DGLUCY: variants seen among roughly 807,000 people sequenced by gnomAD.
DGLUCY encodes D-glutamate cyclase, mitochondrial.
DGLUCY carries 58 observed loss-of-function variants against 58.5 expected under a neutral mutation model. That is an observed-to-expected ratio of 0.99 (90% CI 0.80 to 1.23). The LOEUF is 1.23. Among genes scored for constraint, DGLUCY ranks in the 50% most tolerant of loss-of-function variants. The pLI, the probability that DGLUCY is intolerant of heterozygous loss-of-function variation, is 0.00. For missense variants in DGLUCY, 779 were observed against 784.7 expected, an observed-to-expected ratio of 0.99 and a Z score of 0.09; for synonymous variants, 325 against 314.1, an observed-to-expected ratio of 1.03 and a Z score of -0.37.
chr14:91,099,989 A>G (rs532380863), intron 1 of DGLUCY, among the ~76,000 whole-genome samples: 74 of 147,994 alleles, frequency 5.0e-4, no homozygotes, highest in Admixed American at 2.6e-3. Context: ...GGGAGGCAAT[A>G]GGTTGCGGTG....
intron 9 of DGLUCY, 112 bp downstream of exon 9, chr14:91,189,282 C>G: frequency 7.4e-7 from 1 of 1,352,780 alleles, no homozygotes; most frequent in South Asian, 1.4e-5. Context: ...CAGAACAACT[C>G]CGTTGTAAGC....
chr14:91,095,139 G>A (rs1350209044), intron 1 of DGLUCY, among the ~76,000 whole-genome samples: 1 of 151,998 alleles, frequency 6.6e-6, no homozygotes, highest in Non-Finnish European at 1.5e-5. Context: ...CAGACCATGT[G>A]CCCACTTGCT....
chr14:91,202,024 C>T (rs1177378660), intron 11 of DGLUCY, among the ~76,000 whole-genome samples: 1 of 132,770 alleles, frequency 7.5e-6, no homozygotes, highest in Admixed American at 8.0e-5. Flanking sequence ...CACTGCACTC[C>T]AGCCTGGGCG....
chr14:91,133,959 C>T (rs2046179630), intron 1 of DGLUCY, among the ~76,000 whole-genome samples: 2 of 152,124 alleles, frequency 1.3e-5, no homozygotes, highest in South Asian at 4.1e-4. Flanking sequence ...AAGGGCCATT[C>T]GAGTCCTTTG....
At chr14:91,061,239 A>C (rs1013273674) in intron 1 of DGLUCY, among the ~76,000 whole-genome samples, 1 of 152,214 alleles carries the variant, frequency 6.6e-6, no homozygotes, top group Non-Finnish European at 1.5e-5. Flanking sequence ...CGCTCTAGTG[A>C]ACCCTAAACA....
intron 1 of DGLUCY, among the ~76,000 whole-genome samples, chr14:91,076,869 A>G (rs1376588146): frequency 6.6e-6 from 1 of 152,180 alleles, no homozygotes; most frequent in Non-Finnish European, 1.5e-5. Context: ...GTTCCGGGTC[A>G]CAGTGCCAGC....
upstream of DGLUCY, among the ~76,000 whole-genome samples, chr14:91,105,907 T>A (rs987430422): frequency 6.6e-6 from 1 of 152,194 alleles, no homozygotes; most frequent in African/African-American, 2.4e-5. Context: ...CTGTACAGCA[T>A]GTGACTGTGT....
At chr14:91,080,350 T>C (rs1283975423) in intron 1 of DGLUCY, among the ~76,000 whole-genome samples, 3 of 152,240 alleles carry the variant, frequency 2.0e-5, no homozygotes, top group Admixed American at 2.0e-4. Context: ...TGTGTTTAAC[T>C]TTTTGCGGAA....
chr14:91,193,089 G>A (rs552604753), intron 9 of DGLUCY, among the ~76,000 whole-genome samples: 25 of 152,126 alleles, frequency 1.6e-4, no homozygotes, highest in Admixed American at 3.9e-4. Context: ...CCAGGATTGC[G>A]TCCTGGGTCT....
chr14:91,136,839 C>T (rs1475683386), intron 1 of DGLUCY, among the ~76,000 whole-genome samples: 1 of 151,318 alleles, frequency 6.6e-6, no homozygotes, highest in Admixed American at 6.6e-5. Context: ...CGTGGTGGTA[C>T]ATGCCTGTAA....
chr14:91,199,634 G>T, intron 10 of DGLUCY, 123 bp from the exon 11 acceptor site: 2 of 1,151,952 alleles, frequency 1.7e-6, no homozygotes, highest in Non-Finnish European at 2.5e-6. Flanking sequence ...ACCAAGTTCT[G>T]CAGGAATGAA....
chr14:91,086,323 C>T (rs898756227), intron 1 of DGLUCY, among the ~76,000 whole-genome samples: 6 of 152,134 alleles, frequency 3.9e-5, no homozygotes, highest in African/African-American at 1.4e-4. Flanking sequence ...CCATCCCCGA[C>T]CCCCTGCCTG....
chr14:91,063,648 G>T (rs1595597794), intron 1 of DGLUCY, among the ~76,000 whole-genome samples: 1 of 152,238 alleles, frequency 6.6e-6, no homozygotes. Flanking sequence ...ATTTTAGGAA[G>T]ATGTCCTGAG....
chr14:91,130,253 G>A (rs1040804724), intron 1 of DGLUCY, among the ~76,000 whole-genome samples: 2 of 150,566 alleles, frequency 1.3e-5, no homozygotes, highest in Non-Finnish European at 3.0e-5. Context: ...TCTCATTATA[G>A]TTATAATTTG....
intron 1 of DGLUCY, among the ~76,000 whole-genome samples, chr14:91,095,030 C>A (rs929329556): frequency 3.3e-5 from 5 of 152,064 alleles, no homozygotes; most frequent in African/African-American, 1.2e-4. Context: ...CAGCTGGTCA[C>A]CTCTCCTAGC....
Position 91,170,101 on chromosome 14 carries a change from C to T in DGLUCY, c.356C>T (p.Ala119Val), listed in dbSNP as rs757792429. ...QYSEQLKDMV[A>V]FFLGCSFSLE... is the part of the protein sequence containing the mutation. ...TCGGAGCAGCTGAAGGACATGGTGG[C>T]CTTCTTCCTGGGCTGCAGCTTCTCC... The change falls in exon 5 of 14, where the codon GCC becomes GTC. Residue 119 changes from alanine (A) to valine (V), a missense_variant. Transcript: ENST00000256324. 6.2e-7 allele frequency: 1 copy of T among 1,613,000 alleles called. No individual in the cohort carries two copies. The highest frequency in any genetic ancestry group is 8.5e-7 in the Non-Finnish European group (1 of 1,180,040).
At chr14:91,070,358 A>C (rs1388951895) in intron 1 of DGLUCY, among the ~76,000 whole-genome samples, 2 of 152,170 alleles carry the variant, frequency 1.3e-5, no homozygotes, top group Non-Finnish European at 2.9e-5. Flanking sequence ...AAACCTGAGA[A>C]TCTCAGAGAC....
At chr14:91,112,267 A>ATT (rs2044716776), upstream of DGLUCY, among the ~76,000 whole-genome samples, 1 of 151,272 alleles carries the variant, frequency 6.6e-6, no homozygotes, top group Non-Finnish European at 1.5e-5. Flanking sequence ...AAAAAAAAAG[A>ATT]GTTTAACATA....
At chr14:91,136,981 A>T (rs952582087) in intron 1 of DGLUCY, among the ~76,000 whole-genome samples, 2 of 152,030 alleles carry the variant, frequency 1.3e-5, no homozygotes, top group African/African-American at 2.4e-5. Context: ...AAAAAAAAAA[A>T]TGCAGACCCC....
Sources: gnomAD v4.1 joint callset for allele counts (sites outside exome capture counted in the v4.1 genomes callset) on GRCh38, gnomAD v4.1.1 for gene constraint, MANE v1.5 for transcripts, NCBI Gene and HGNC (gene_info 2026-07-23, HGNC 2026-07-21) for gene names.